Variants in PRKAG2 observed in about 807,000 individuals in gnomAD.
The protein encoded by PRKAG2 is 5'-AMP-activated protein kinase subunit gamma-2.
Under a neutral mutation model 69.6 loss-of-function variants are expected in PRKAG2, and 26 were observed. The ratio of observed to expected loss-of-function variants is 0.37; its 90% confidence interval spans 0.27 to 0.52. The LOEUF (loss-of-function observed/expected upper bound fraction) is 0.52. Among genes scored for constraint, PRKAG2 ranks in the 20% least tolerant of loss-of-function variants. The probability of loss-of-function intolerance (pLI) is 0.90; values close to 1 mark genes in which losing one functional copy is unlikely to be tolerated. For missense variants in PRKAG2, 557 were observed against 740.0 expected (o/e 0.75, Z 2.87); for synonymous variants, 293 against 285.0 (o/e 1.03, Z -0.28).
intron 3 of PRKAG2, among the ~76,000 whole-genome samples, chr7:151,747,007 T>C (rs931520886): frequency 2.6e-5 from 4 of 152,214 alleles, no homozygotes; most frequent in African/African-American, 9.7e-5. Context: ...GAAAACTTTA[T>C]TCGCAGCAAA....
chr7:151,609,004 G>A (rs1410302410), intron 5 of PRKAG2, among the ~76,000 whole-genome samples: 1 of 151,924 alleles, frequency 6.6e-6, no homozygotes, highest in African/African-American at 2.4e-5. Flanking sequence ...TGGGACTATA[G>A]GCATACACCA....
rs772481251 is a variant in PRKAG2, at chr7:151,632,144, G to A, written c.685-6C>T. ...AGGGCCGCCGCCAGCGCCGCCTGAG[G>A]GGGAGGAGGAGGACAGCGATCAGCA... is the stretch of plus-strand genomic sequence containing the variant. On this transcript the variant is annotated splice_region_variant and splice_polypyrimidine_tract_variant and intron_variant, in intron 4 of 15. Transcript: ENST00000287878. The surrounding 1 kb of genome is among the most constrained non-coding windows in gnomAD (Gnocchi z 4.2). 10 of 1,395,220 alleles carry A rather than the reference G, an allele frequency of 7.2e-6. No homozygotes were observed. The highest frequency in any genetic ancestry group is 2.2e-5 in the Admixed American group (1 of 46,108). The allele number at this position is 1,395,220 out of a possible 1,614,324, so 86.4% of individuals were successfully genotyped here.
intron 2 of PRKAG2, among the ~76,000 whole-genome samples, chr7:151,782,297 A>AAAGGAAGGAAGGAAGGAAGGAAGGAAGG (rs869298573): frequency 2.5e-5 from 1 of 39,762 alleles, no homozygotes; most frequent in Non-Finnish European, 5.0e-5. Context: ...GAAAGGAAAG[A>AAAGGAAGGAAGGAAGGAAGGAAGGAAGG]AAGGAAGGAA....
At chr7:151,827,812 GCCAGAGCCTACGTGC>G (rs2078942763) in intron 1 of PRKAG2, among the ~76,000 whole-genome samples, 1 of 139,314 alleles carries the variant, frequency 7.2e-6, no homozygotes, top group Admixed American at 7.7e-5. Flanking sequence ...GACTTCCAAT[GCCAGAGCCTACGTGC>G]CTCCAAGGGC....
chr7:151,725,138 C>T (rs987380428), intron 3 of PRKAG2, among the ~76,000 whole-genome samples: 3 of 152,130 alleles, frequency 2.0e-5, no homozygotes, highest in African/African-American at 7.2e-5. Flanking sequence ...GAGAAGCAAC[C>T]CACGTGTCCA....
chr7:151,651,229 T>C (rs995137551), intron 4 of PRKAG2, among the ~76,000 whole-genome samples: 2 of 152,246 alleles, frequency 1.3e-5, no homozygotes, highest in Admixed American at 1.3e-4. Flanking sequence ...ATTTGGAAGA[T>C]CTGCATTAGT....
chr7:151,571,698 A>T (rs572653359), intron 9 of PRKAG2, among the ~76,000 whole-genome samples: 11 of 152,326 alleles, frequency 7.2e-5, no homozygotes, highest in African/African-American at 2.6e-4. Flanking sequence ...ATCCCATGCC[A>T]AATTTGTTTA....
At chr7:151,786,357 G>A (rs555460791) in intron 2 of PRKAG2, 113 bp downstream of exon 2, 41 of 1,020,320 alleles carry the variant, frequency 4.0e-5, no homozygotes, top group East Asian at 3.6e-4. Flanking sequence ...GTGTGCAAGC[G>A]GACATGCGGG....
At chr7:151,827,954 C>T (rs2078946289) in intron 1 of PRKAG2, among the ~76,000 whole-genome samples, 2 of 152,100 alleles carry the variant, frequency 1.3e-5, no homozygotes, top group African/African-American at 4.8e-5. Flanking sequence ...GGCTCCCCAT[C>T]ATGTCGCTTC....
chr7:151,762,438 CT>C (rs1337854400), intron 3 of PRKAG2, among the ~76,000 whole-genome samples: 3 of 152,128 alleles, frequency 2.0e-5, no homozygotes, highest in Non-Finnish European at 2.9e-5. Context: ...CACAAGAAGC[CT>C]AGCTGTGGCC....
chr7:151,781,108 CA>C lies in PRKAG2; in HGVS notation c.466+43del, dbSNP rs759234679. 5 of 1,611,404 alleles carry C rather than the reference CA, an allele frequency of 3.1e-6. No homozygotes were observed. In the South Asian group the frequency reaches 5.5e-5, roughly 18 times the overall value. On this transcript the variant is annotated intron_variant, in intron 3 of 15. Coordinates refer to ENST00000287878, the MANE Select transcript of PRKAG2 (RefSeq NM_016203.4). The surrounding 1 kb of genome is among the most constrained non-coding windows in gnomAD (Gnocchi z 6.1). ...GATGTGTGGCTGCAGAAGAGACCCC[CA>C]GCACCCCAGCACCCACCTGAAACAA...
At chr7:151,591,577 C>T (rs1363060918) in intron 6 of PRKAG2, among the ~76,000 whole-genome samples, 5 of 152,214 alleles carry the variant, frequency 3.3e-5, no homozygotes, top group Non-Finnish European at 7.3e-5. Context: ...CACACTCCAC[C>T]TGCCACTGCA....
At chr7:151,650,737 A>G (rs1256146220) in intron 4 of PRKAG2, among the ~76,000 whole-genome samples, 2 of 152,242 alleles carry the variant, frequency 1.3e-5, no homozygotes, top group African/African-American at 4.8e-5. Flanking sequence ...GCAAACTGTG[A>G]CAACCTCCTA....
intron 1 of PRKAG2, among the ~76,000 whole-genome samples, chr7:151,862,100 G>C (rs548548573): frequency 3.2e-4 from 49 of 152,120 alleles, no homozygotes; most frequent in Admixed American, 3.1e-3. Context: ...TCTGGCCCCC[G>C]GGCTCTGCAT....
At chr7:151,812,148 G>T (rs2078453322) in intron 1 of PRKAG2, among the ~76,000 whole-genome samples, 1 of 152,158 alleles carries the variant, frequency 6.6e-6, no homozygotes, top group African/African-American at 2.4e-5. Flanking sequence ...ATCCTTCTAA[G>T]AAATTAAGAC....
At chr7:151,672,204 C>T (rs971999717) in intron 4 of PRKAG2, among the ~76,000 whole-genome samples, 1 of 152,118 alleles carries the variant, frequency 6.6e-6, no homozygotes, top group East Asian at 1.9e-4. Flanking sequence ...TGCGTTCAAG[C>T]GATTCCCCTG....
intron 2 of PRKAG2, among the ~76,000 whole-genome samples, chr7:151,782,180 G>C (rs1045920555): frequency 2.6e-5 from 4 of 151,956 alleles, no homozygotes; most frequent in African/African-American, 9.7e-5. Context: ...CTACTCAGGA[G>C]GCTGAGGCAG....
intron 3 of PRKAG2, among the ~76,000 whole-genome samples, chr7:151,764,300 G>GCAGCC (rs1173954893): frequency 1.3e-5 from 2 of 152,204 alleles, no homozygotes; most frequent in African/African-American, 4.8e-5. Flanking sequence ...AAGCCAGAGC[G>GCAGCC]CAGCCCAGCC....
At chr7:151,806,755 C>T in intron 1 of PRKAG2, 1 of 331,818 alleles carries the variant, frequency 3.0e-6, no homozygotes, top group Non-Finnish European at 5.8e-6. Flanking sequence ...CACCTGAGCT[C>T]AGGAGCTCAA....
Sources: allele counts gnomAD v4.1 joint callset (sites outside exome capture counted in the v4.1 genomes callset), GRCh38; gene constraint gnomAD v4.1.1; non-coding constraint Gnocchi (gnomAD v3.1); transcripts MANE v1.5; gene names NCBI Gene and HGNC (gene_info 2026-07-23, HGNC 2026-07-21).